SDR42E1: variants seen among roughly 807,000 people sequenced by gnomAD.
SDR42E1 encodes short-chain dehydrogenase/reductase family 42E member 1.
In SDR42E1, 5 loss-of-function variants were observed where a neutral mutation model predicts 2.6. That is an observed-to-expected ratio of 1.94 (90% CI 1.01 to 4.08). SDR42E1 has a LOEUF of 4.08. Ranked by LOEUF, SDR42E1 falls within the 30% of genes most tolerant of loss-of-function variation. The probability of loss-of-function intolerance (pLI) is 0.00; values close to 1 mark genes in which losing one functional copy is unlikely to be tolerated. For missense variants in SDR42E1, 596 were observed against 478.6 expected (o/e 1.25, Z -2.29); for synonymous variants, 231 against 188.3 (o/e 1.23, Z -1.86).
intron 1 of SDR42E1, among the ~76,000 whole-genome samples, chr16:82,011,140 C>T (rs1000167790): frequency 9.2e-5 from 14 of 152,188 alleles, no homozygotes; most frequent in African/African-American, 2.7e-4. Flanking sequence ...CCCCGATGTC[C>T]TTAAAAACAA....
At chr16:82,007,405 T>C (rs1335196348) in intron 1 of SDR42E1, among the ~76,000 whole-genome samples, 2 of 152,238 alleles carry the variant, frequency 1.3e-5, no homozygotes, top group East Asian at 3.8e-4. Context: ...TGCAACACTC[T>C]GTCTGTGAAT....
At position 82,010,200 on chromosome 16, in the gene SDR42E1, G is replaced by C. The variant is rs145390947; in HGVS notation, c.-27+1187C>G. 5.0e-3 allele frequency among the ~76,000 whole-genome samples: 762 copies of C among 152,238 alleles called. 3 individuals carry two copies. Among genetic ancestry groups the C allele is most frequent in the Admixed American group, 9.9e-3 (151 of 15,298 alleles). On this transcript the variant is annotated intron_variant, in intron 1 of 2. Coordinates refer to ENST00000328945, the MANE Select transcript of SDR42E1 (RefSeq NM_145168.3). The stretch of plus-strand genomic sequence containing the variant: ...ATGGATTAATACAGGTAGTTTAAAG[G>C]TTTAGCATTTAAGCCTCAGGACAAT...
rs939129951 is a variant in SDR42E1 at position 81,992,567 on chromosome 16, G to A, written c.*6544C>T. On this transcript the variant is annotated 3_prime_UTR_variant, in exon 3 of 3. Coordinates refer to ENST00000328945, the MANE Select transcript of SDR42E1 (RefSeq NM_145168.3). ...TGGATCTGAAATATGGCTCCACTGG[G>A]AGGCTAGAGCAAAAGATATGTAGAA... 6.6e-6 allele frequency: 1 copy of A among 152,126 alleles called. No homozygotes were observed. Among genetic ancestry groups the A allele is most frequent in the African/African-American group, 2.4e-5 (1 of 41,418 alleles). The allele number at this position is 152,126 out of a possible 1,614,324, so 9.4% of individuals were successfully genotyped here. A position where few individuals can be genotyped will look rare whatever the true frequency, so the allele number is the denominator to read the frequency against.
In SDR42E1 at chr16:81,999,663, C is replaced by G. The variant is rs759358610; in HGVS notation, c.630G>C (p.Lys210Asn). ...IVSYIEKGLF[K>N]FVYGDPRSLV... ...GGCTCCTGGGGTCCCCGTAGACAAA[C>G]TTGAACAGACCCTTCTCGATGTAGC... Residue 210 changes from lysine to asparagine, a missense_variant, in exon 3 of 3, where the codon AAG becomes AAC. Lys to Asn is a moderately conservative substitution (Grantham distance 94, BLOSUM62 0). Transcript: ENST00000328945. 8 of 1,614,096 alleles carry G rather than the reference C, an allele frequency of 5.0e-6. No homozygotes were observed. Among genetic ancestry groups the G allele is most frequent in the African/African-American group, 2.7e-5 (2 of 74,924 alleles).
At position 81,990,862 on chromosome 16, in the gene SDR42E1, T is replaced by C. The variant is rs140211604; in HGVS notation, c.*8249A>G. On this transcript the variant is annotated 3_prime_UTR_variant, in exon 3 of 3. Transcript: ENST00000328945. The stretch of plus-strand genomic sequence containing the variant: ...AGAGACACTTCCACTGTGAAGTGCT[T>C]TGTAAAAAGTTCACCCTTCTTTGGG... 1 of 152,194 alleles carries C rather than the reference T, an allele frequency of 6.6e-6. No homozygotes were observed. The highest frequency in any genetic ancestry group is 2.4e-5 in the African/African-American group (1 of 41,452). The allele number at this position is 152,194 out of a possible 1,614,324, so 9.4% of individuals were successfully genotyped here. A position where few individuals can be genotyped will look rare whatever the true frequency, so the allele number is the denominator to read the frequency against.
intron 1 of SDR42E1, among the ~76,000 whole-genome samples, chr16:82,006,745 G>C (rs150126341): frequency 6.6e-6 from 1 of 152,210 alleles, no homozygotes; most frequent in African/African-American, 2.4e-5. Context: ...AGTGAGTGCA[G>C]ACTGCACCAC....
At chr16:82,000,461 C>A (rs1912721089) in intron 2 of SDR42E1, 1 of 663,728 alleles carries the variant, frequency 1.5e-6, no homozygotes, top group Non-Finnish European at 2.7e-6. Context: ...AGAATGGTGG[C>A]ATTTTTCCCC....
chr16:82,008,601 G>T (rs1367481087), intron 1 of SDR42E1, among the ~76,000 whole-genome samples: 1 of 152,226 alleles, frequency 6.6e-6, no homozygotes, highest in Non-Finnish European at 1.5e-5. Context: ...AGAGATCTGT[G>T]TAAGTCAGAG....
In SDR42E1 at chr16:81,993,393, G is replaced by T. The variant is rs753872530; in HGVS notation, c.*5718C>A. 6.6e-6 allele frequency: 1 copy of T among 152,148 alleles called. No individual in the cohort carries two copies. Among genetic ancestry groups the T allele is most frequent in the Non-Finnish European group, 1.5e-5 (1 of 68,038 alleles). The allele number at this position is 152,148 out of a possible 1,614,324, so 9.4% of individuals were successfully genotyped here. ...ATCAGAAGCATCAGGGAAGAGTCTG[G>T]AGTCTGTATATCGAGGTAAAATAGA... is the stretch of plus-strand genomic sequence containing the variant. On this transcript the variant is annotated 3_prime_UTR_variant, in exon 3 of 3. Transcript: ENST00000328945.
chr16:82,003,573 C>A lies in SDR42E1; in HGVS notation c.-26-2689G>T, dbSNP rs143224375. The stretch of plus-strand genomic sequence containing the variant: ...GCTGAGCCCATTAGTGCCTCCTGTT[C>A]TCACTTCAGTGTGACACATCGTATA... On this transcript the variant is annotated intron_variant, in intron 1 of 2. Coordinates refer to ENST00000328945, the MANE Select transcript of SDR42E1 (RefSeq NM_145168.3). Among the ~76,000 whole-genome samples the A allele has an allele frequency of 2.3e-3, 343 of 152,320 alleles. 2 individuals carry two copies. The highest frequency in any genetic ancestry group is 7.9e-3 in the African/African-American group (329 of 41,576).
In SDR42E1 at chr16:81,999,477, G is replaced by A. The variant is rs1368243612; in HGVS notation, c.816C>T (p.Gly272=). ...NFEFFRPLVE[G]LGYTFPSTRL... is the part of the protein sequence containing the mutation. The stretch of plus-strand genomic sequence containing the variant: ...GGGTAGACGGGAATGTGTAGCCCAG[G>A]CCCTCAACCAGAGGCCGGAAGAACT... Residue 272 remains glycine, a synonymous_variant, in exon 3 of 3, where the codon GGC becomes GGT. Coordinates refer to ENST00000328945, the MANE Select transcript of SDR42E1 (RefSeq NM_145168.3). The A allele has an allele frequency of 2.5e-6, 4 of 1,614,162 alleles. No individual in the cohort carries two copies. Among genetic ancestry groups the A allele is most frequent in the East Asian group, 2.2e-5 (1 of 44,884 alleles).
intron 1 of SDR42E1, among the ~76,000 whole-genome samples, chr16:82,009,401 A>C (rs1214867109): frequency 6.6e-6 from 1 of 152,248 alleles, no homozygotes; most frequent in Non-Finnish European, 1.5e-5. Context: ...TGTACCCTGC[A>C]AAACCACAAG....
At position 82,000,145 on chromosome 16, in the gene SDR42E1, C is replaced by T. The variant is rs1473911868; in HGVS notation, c.148G>A (p.Gly50Arg). ...ISSPAQTIPE[G>R]IKFIQGDIRH... ...ATGTCTCCTTGTATAAACTTGATTC[C>T]TTCTGGAATGGTTTGAGCAGGGCTG... Residue 50 changes from glycine (G) to arginine (R), a missense_variant, in exon 3 of 3, where the codon GGA becomes AGA. Transcript: ENST00000328945. 3 of 1,614,054 alleles carry T rather than the reference C, an allele frequency of 1.9e-6. No homozygotes were observed. Among genetic ancestry groups the T allele is most frequent in the Non-Finnish European group, 2.5e-6 (3 of 1,180,020 alleles).
Position 81,995,250 on chromosome 16 carries a change from A to G in SDR42E1, c.*3861T>C, listed in dbSNP as rs965995664. 2 of 152,262 alleles carry G rather than the reference A, an allele frequency of 1.3e-5. No individual in the cohort carries two copies. The highest frequency in any genetic ancestry group is 4.8e-5 in the African/African-American group (2 of 41,522). The allele number at this position is 152,262 out of a possible 1,614,324, so 9.4% of individuals were successfully genotyped here. A position where few individuals can be genotyped will look rare whatever the true frequency, so the allele number is the denominator to read the frequency against. On this transcript the variant is annotated 3_prime_UTR_variant, in exon 3 of 3. Transcript: ENST00000328945. ...GCAGTGCTGGGTGGCTTCTGCCCAG[A>G]CCTCTGAGAGCATCCCCAAGTGCAC...
intron 1 of SDR42E1, among the ~76,000 whole-genome samples, chr16:82,008,880 T>G (rs939466449): frequency 1.3e-5 from 2 of 152,054 alleles, no homozygotes; most frequent in Non-Finnish European, 2.9e-5. Context: ...GGCCCAGAAG[T>G]CTAGGAGGCA....
chr16:82,010,874 G>A (rs371162331), intron 1 of SDR42E1, among the ~76,000 whole-genome samples: 9 of 152,256 alleles, frequency 5.9e-5, no homozygotes, highest in African/African-American at 2.2e-4. Context: ...GATTTTCAGG[G>A]CTCACTCCAC....
Position 81,989,533 on chromosome 16 carries a change from G to C in SDR42E1, c.*9578C>G, listed in dbSNP as rs1055280085. On this transcript the variant is annotated 3_prime_UTR_variant, in exon 3 of 3. Transcript: ENST00000328945. ...AATAAAAGCTTGATGATTTTGGGTT[G>C]GCTTTCTAGCCCCACAATTTAAAAC... 8 of 152,200 alleles carry C rather than the reference G, an allele frequency of 5.3e-5. No homozygotes were observed. The highest frequency in any genetic ancestry group is 8.8e-5 in the Non-Finnish European group (6 of 68,036). The allele number at this position is 152,200 out of a possible 1,614,324, so 9.4% of individuals were successfully genotyped here.
In SDR42E1 at chr16:81,993,582, T is replaced by C. The variant is rs757995049; in HGVS notation, c.*5529A>G. ...TTAATTTAGGCCTTGAATGTTCTTA[T>C]TGCCTCAGGCTGGGAGTCTCAGGTG... is the stretch of plus-strand genomic sequence containing the variant. On this transcript the variant is annotated 3_prime_UTR_variant, in exon 3 of 3. Coordinates refer to ENST00000328945, the MANE Select transcript of SDR42E1 (RefSeq NM_145168.3). The C allele has an allele frequency of 3.3e-5, 5 of 152,174 alleles. No homozygotes were observed. The highest frequency in any genetic ancestry group is 1.9e-4 in the East Asian group (1 of 5,192). The allele number at this position is 152,174 out of a possible 1,614,324, so 9.4% of individuals were successfully genotyped here. A position where few individuals can be genotyped will look rare whatever the true frequency, so the allele number is the denominator to read the frequency against.
In SDR42E1 at chr16:81,993,020, G is replaced by A. The variant is rs958611599; in HGVS notation, c.*6091C>T. 2 of 152,120 alleles carry A rather than the reference G, an allele frequency of 1.3e-5. No homozygotes were observed. The highest frequency in any genetic ancestry group is 2.4e-5 in the African/African-American group (1 of 41,422). 9.4% of individuals were successfully genotyped at this position (152,120 alleles called of 1,614,324 possible). A position where few individuals can be genotyped will look rare whatever the true frequency, so the allele number is the denominator to read the frequency against. On this transcript the variant is annotated 3_prime_UTR_variant, in exon 3 of 3. Coordinates refer to ENST00000328945, the MANE Select transcript of SDR42E1 (RefSeq NM_145168.3). ...AGATGTGTTGCCAAAGAATCCCTTT[G>A]GCTCAAGAAAAAGAGGCTCTAGGTT...
Sources: gnomAD v4.1 joint callset for allele counts (sites outside exome capture counted in the v4.1 genomes callset) on GRCh38, gnomAD v4.1.1 for gene constraint, MANE v1.5 for transcripts, NCBI Gene and HGNC (gene_info 2026-07-23, HGNC 2026-07-21) for gene names.